Variants in ZPLD1 observed in about 807,000 individuals in gnomAD.
ZPLD1 encodes the protein zona pellucida like domain containing 1, also known as zona pellucida-like domain-containing protein 1.
Under a neutral mutation model 47.2 loss-of-function variants are expected in ZPLD1, and 34 were observed. The observed-to-expected ratio is 0.72, with a 90% CI of 0.55 to 0.96. ZPLD1 has a LOEUF of 0.96. ZPLD1 is among the 40% of genes least tolerant of loss of function. ZPLD1 has a pLI of 0.00. For synonymous variants in ZPLD1, 176 were observed against 186.2 expected, an observed-to-expected ratio of 0.95 and a Z score of 0.45; for missense variants, 512 against 505.8, an observed-to-expected ratio of 1.01 and a Z score of -0.12.
rs1408792952 is a variant in ZPLD1, at chr3:102,439,406, G to T, written c.106+813G>T. Among the ~76,000 whole-genome samples the T allele has an allele frequency of 3.3e-5, 5 of 152,254 alleles. No individual in the cohort carries two copies. In the East Asian group the frequency reaches 9.6e-4, roughly 29 times the overall value. On this transcript the variant is annotated intron_variant, in intron 3 of 11. Transcript: ENST00000466937. ...GATAAAGTGCGATTTCTACAACAGA[G>T]CCCACATCAGAAATTGTCTGAATGT...
intron 3 of ZPLD1, among the ~76,000 whole-genome samples, chr3:102,447,554 A>T (rs905798277): frequency 3.3e-5 from 5 of 152,140 alleles, no homozygotes; most frequent in African/African-American, 1.2e-4. Flanking sequence ...AAATTCTTTG[A>T]ATAATTTATT....
intron 8 of ZPLD1, among the ~76,000 whole-genome samples, chr3:102,419,496 T>C (rs1706850722): frequency 6.6e-6 from 1 of 151,996 alleles, no homozygotes; most frequent in Admixed American, 6.6e-5. Flanking sequence ...TACAACAAAT[T>C]CTACATTTCT....
At chr3:102,452,810 ATG>A (rs968399335) in intron 3 of ZPLD1, 107 bp from the exon 4 acceptor site, 35 of 1,244,248 alleles carry the variant, frequency 2.8e-5, no homozygotes, top group Non-Finnish European at 3.8e-5. Context: ...AAATATAAAA[ATG>A]AGTTAAACAG....
At chr3:102,456,122 A>G in intron 4 of ZPLD1, 71 bp from the exon 5 acceptor site, 1 of 1,282,030 alleles carries the variant, frequency 7.8e-7, no homozygotes, top group Non-Finnish European at 1.1e-6. Context: ...TTAATGTTTT[A>G]TTTTGCATAT....
chr3:102,398,956 C>T (rs1706588813), intron 7 of ZPLD1, among the ~76,000 whole-genome samples: 1 of 151,996 alleles, frequency 6.6e-6, no homozygotes, highest in South Asian at 2.1e-4. Flanking sequence ...CACTTGTTTT[C>T]CAAAAGGATA....
intron 7 of ZPLD1, among the ~76,000 whole-genome samples, chr3:102,394,981 A>G (rs1171920955): frequency 2.0e-5 from 3 of 152,182 alleles, no homozygotes; most frequent in Non-Finnish European, 2.9e-5. Flanking sequence ...GCAAAAATAT[A>G]CATGGGTTTT....
intron 7 of ZPLD1, among the ~76,000 whole-genome samples, chr3:102,396,549 A>G (rs1045523354): frequency 1.3e-5 from 2 of 152,166 alleles, no homozygotes; most frequent in Non-Finnish European, 2.9e-5. Flanking sequence ...TAAAACTGTG[A>G]AAAAACGTGC....
intron 10 of ZPLD1, among the ~76,000 whole-genome samples, chr3:102,470,710 G>T (rs1235248623): frequency 6.8e-6 from 1 of 147,168 alleles, no homozygotes; most frequent in East Asian, 1.9e-4. Flanking sequence ...TACGTTTCCT[G>T]TTTTCACACA....
At chr3:102,473,048 C>T (rs1051777684) in intron 10 of ZPLD1, among the ~76,000 whole-genome samples, 1 of 152,018 alleles carries the variant, frequency 6.6e-6, no homozygotes, top group Non-Finnish European at 1.5e-5. Context: ...GCAGAGGAAT[C>T]GCCCTTTATA....
chr3:102,469,237 T>G, intron 9 of ZPLD1, 102 bp downstream of exon 9: 1 of 1,209,722 alleles, frequency 8.3e-7, no homozygotes, highest in East Asian at 2.4e-5. Flanking sequence ...GGATATGTGT[T>G]AGATCAAATA....
chr3:102,428,575 A>C lies in ZPLD1; in HGVS notation c.-8-9905A>C, dbSNP rs555114327. Among the ~76,000 whole-genome samples, 8 of 152,072 alleles carry C rather than the reference A, an allele frequency of 5.3e-5. No homozygotes were observed. The East Asian group carries it at 7.7e-4, about 15-fold the overall frequency. ...CATTTGATTGATGTACTGAAAAGAAATCAAATATACTACATTTTTAGTAGG... is the reference window on the plus strand; with the variant it reads ...CATTTGATTGATGTACTGAAAAGAACTCAAATATACTACATTTTTAGTAGG... On this transcript the variant is annotated intron_variant, in intron 8 of 17. Transcript: ENST00000491959.
In ZPLD1 at chr3:102,388,429, G is replaced by GTCTCTC. The variant is rs71781267; in HGVS notation, c.-213+3130_-213+3135dup. 2.9e-3 allele frequency among the ~76,000 whole-genome samples: 400 copies of GTCTCTC among 135,984 alleles called. 1 individual carries two copies. The highest frequency in any genetic ancestry group is 7.2e-3 in the African/African-American group (265 of 36,832). 89.2% of individuals were successfully genotyped at this position (135,984 alleles called of 152,430 possible). On this transcript the variant is annotated intron_variant, in intron 6 of 17. Transcript: ENST00000491959. The stretch of plus-strand genomic sequence containing the variant: ...ATATTATTGGATTTTCTCTCCTGGA[G>GTCTCTC]TCTCTCTCTCTCTCTCTCTCTCTGT...
chr3:102,410,495 C>T (rs563204379), intron 7 of ZPLD1, among the ~76,000 whole-genome samples: 62 of 151,738 alleles, frequency 4.1e-4, no homozygotes, highest in Non-Finnish European at 7.8e-4. Context: ...AATTTATATG[C>T]ACAAAAATGC....
chr3:102,413,531 C>T (rs865947346), intron 7 of ZPLD1, among the ~76,000 whole-genome samples: 2 of 151,652 alleles, frequency 1.3e-5, no homozygotes, highest in African/African-American at 4.8e-5. Flanking sequence ...CAATGACTAT[C>T]CTGAAACAAA....
At chr3:102,421,464 C>A (rs1467461244) in intron 8 of ZPLD1, among the ~76,000 whole-genome samples, 1 of 151,728 alleles carries the variant, frequency 6.6e-6, no homozygotes, top group Non-Finnish European at 1.5e-5. Context: ...TCCATAGGTA[C>A]ACACATTTAA....
chr3:102,393,893 A>G (rs570533332), intron 7 of ZPLD1, among the ~76,000 whole-genome samples: 1 of 152,236 alleles, frequency 6.6e-6, no homozygotes, highest in East Asian at 1.9e-4. Flanking sequence ...AAACAACATA[A>G]TGCAGGCTTT....
At chr3:102,450,112 A>G (rs1470553808) in intron 3 of ZPLD1, among the ~76,000 whole-genome samples, 1 of 152,208 alleles carries the variant, frequency 6.6e-6, no homozygotes, top group Non-Finnish European at 1.5e-5. Flanking sequence ...TTGGGTAAAT[A>G]AAATTTGAAA....
At chr3:102,434,507 C>CT (rs1300966231), upstream of ZPLD1, among the ~76,000 whole-genome samples, 2 of 152,040 alleles carry the variant, frequency 1.3e-5, no homozygotes, top group Non-Finnish European at 1.5e-5. Flanking sequence ...ACAGATGTCT[C>CT]TTTTTTTACA....
chr3:102,409,326 G>T (rs995852007), intron 7 of ZPLD1, among the ~76,000 whole-genome samples: 7 of 151,722 alleles, frequency 4.6e-5, no homozygotes, highest in African/African-American at 1.7e-4. Flanking sequence ...CGAGATAATG[G>T]CATTAATCTA....
Sources: allele counts gnomAD v4.1 joint callset (sites outside exome capture counted in the v4.1 genomes callset), GRCh38; gene constraint gnomAD v4.1.1; transcripts MANE v1.5; gene names NCBI Gene and HGNC (gene_info 2026-07-23, HGNC 2026-07-21).